UGT1A10: variants seen among roughly 807,000 people sequenced by gnomAD.
The protein encoded by UGT1A10 is UDP glucuronosyltransferase family 1 member A10, also known as UDP-glucuronosyltransferase 1A10.
UGT1A10 carries 49 observed loss-of-function variants against 45.8 expected under a neutral mutation model. That is an observed-to-expected ratio of 1.07 (90% confidence interval 0.85 to 1.36). UGT1A10 has a LOEUF of 1.36. Ranked by LOEUF, UGT1A10 falls within the 40% of genes most tolerant of loss-of-function variation. The pLI is 0.00. For missense variants in UGT1A10, 745 were observed against 668.6 expected (o/e 1.11, Z -1.26); for synonymous variants, 284 against 249.7 (o/e 1.14, Z -1.29).
chr2:233,719,283 A>C (rs760908491), intron 1 of UGT1A10: 35 of 1,613,936 alleles, frequency 2.2e-5, no homozygotes, highest in Admixed American at 5.0e-5. Flanking sequence ...AGACCCCGTT[A>C]ACCTCTGTGG....
At chr2:233,743,679 C>T (rs773832305) in intron 1 of UGT1A10, 13 of 1,367,098 alleles carry the variant, frequency 9.5e-6, no homozygotes, top group African/African-American at 5.9e-5. Flanking sequence ...AAGGGCCTGC[C>T]GCCTGTGCAG....
At chr2:233,649,486 T>C (rs1278710316) in intron 1 of UGT1A10, among the ~76,000 whole-genome samples, 2 of 152,354 alleles carry the variant, frequency 1.3e-5, no homozygotes, top group Admixed American at 6.5e-5. Context: ...TTTCCATCTG[T>C]TGAAATTATA....
At chr2:233,760,521 G>C (rs2125985351) in intron 1 of UGT1A10, 1 of 1,614,238 alleles carries the variant, frequency 6.2e-7, no homozygotes, top group East Asian at 2.2e-5. Flanking sequence ...CCTTGAAGAC[G>C]TACCCTGTGC....
rs762488947 is a variant in UGT1A10, at chr2:233,772,318, C to T, written c.1352C>T (p.Pro451Leu). 5 of 1,614,112 alleles carry T rather than the reference C, an allele frequency of 3.1e-6. No homozygotes were observed. Among genetic ancestry groups the T allele is most frequent in the African/African-American group, 1.3e-5 (1 of 74,934 alleles). The change falls in exon 5 of 5, where the codon CCG (proline) becomes CTG (leucine). Residue 451 changes from proline to leucine, a missense_variant. Physicochemically the swap from Pro to Leu is moderately conservative, Grantham distance 98. Transcript: ENST00000344644. ...SSLHKDRPVE[P>L]LDLAVFWVEF... is the part of the protein sequence containing the mutation. ...CTTCACAAGGACCGCCCGGTGGAGC[C>T]GCTGGACCTGGCCGTGTTCTGGGTG...
In UGT1A10 at chr2:233,772,791, C is replaced by A; in HGVS notation, c.*232C>A. On this transcript the variant is annotated 3_prime_UTR_variant, in exon 5 of 5. Coordinates refer to ENST00000344644, the MANE Select transcript of UGT1A10 (RefSeq NM_019075.4). ...CCTCTGGTGTCTTTGATCAGGATGACATGTGCCATTTTTCAGAGGACGTGC... is the reference window on the plus strand; with the variant it reads ...CCTCTGGTGTCTTTGATCAGGATGAAATGTGCCATTTTTCAGAGGACGTGC... The A allele has an allele frequency of 8.2e-7, 1 of 1,224,562 alleles. No individual in the cohort carries two copies. Among genetic ancestry groups the A allele is most frequent in the Non-Finnish European group, 1.1e-6 (1 of 921,630 alleles). 75.9% of individuals were successfully genotyped at this position (1,224,562 alleles called of 1,614,324 possible).
intron 1 of UGT1A10, chr2:233,682,365 A>G (rs2074575471): frequency 5.6e-6 from 9 of 1,614,054 alleles, no homozygotes; most frequent in South Asian, 2.2e-5. Context: ...AGTTGTTTTG[A>G]TGCAGTGTTT....
At chr2:233,703,412 A>G (rs1378820860) in intron 1 of UGT1A10, among the ~76,000 whole-genome samples, 1 of 151,566 alleles carries the variant, frequency 6.6e-6, no homozygotes, top group Non-Finnish European at 1.5e-5. Context: ...GGTTTTGTTT[A>G]TTTTTCTCTA....
Position 233,713,371 on chromosome 2 carries a change from C to G in UGT1A10, c.856-53663C>G, listed in dbSNP as rs949322705. The G allele has an allele frequency of 5.3e-5, 85 of 1,613,982 alleles. No individual in the cohort carries two copies. The highest frequency in any genetic ancestry group is 6.7e-5 in the Non-Finnish European group (79 of 1,180,022). ...AATATGTCTTTGATCATACATAGGT[C>G]TTGTGTGGAGCTACTGCATAATGAG... is the stretch of plus-strand genomic sequence containing the variant. On this transcript the variant is annotated intron_variant, in intron 1 of 4. Coordinates refer to ENST00000344644, the MANE Select transcript of UGT1A10 (RefSeq NM_019075.4).
intron 1 of UGT1A10, among the ~76,000 whole-genome samples, chr2:233,672,966 C>A (rs1002609299): frequency 1.3e-5 from 2 of 152,144 alleles, no homozygotes; most frequent in Non-Finnish European, 2.9e-5. Context: ...TATAAAACTG[C>A]CCTTCTTGAA....
At chr2:233,647,740 A>C (rs1025103762) in intron 1 of UGT1A10, among the ~76,000 whole-genome samples, 1 of 152,184 alleles carries the variant, frequency 6.6e-6, no homozygotes, top group East Asian at 1.9e-4. Context: ...TACTGCTCTC[A>C]TTCCTGATAT....
At chr2:233,653,307 T>C (rs2602373) in intron 1 of UGT1A10, among the ~76,000 whole-genome samples, 34,032 of 152,122 alleles carry the variant, frequency 0.22, 4,751 homozygotes, top group South Asian at 0.38. Context: ...TAGGTAATAA[T>C]AACATACAGG....
intron 1 of UGT1A10, among the ~76,000 whole-genome samples, chr2:233,663,464 C>A (rs113502929): frequency 6.6e-6 from 1 of 151,964 alleles, no homozygotes; most frequent in African/African-American, 2.4e-5. Flanking sequence ...AGCAGATGAG[C>A]CAGTTTATTG....
chr2:233,661,102 A>T (rs2073953812), intron 1 of UGT1A10, among the ~76,000 whole-genome samples: 1 of 152,068 alleles, frequency 6.6e-6, no homozygotes, highest in Admixed American at 6.6e-5. Context: ...TTTTATGTAG[A>T]TAATCATGAT....
chr2:233,651,324 G>T (rs774351783), intron 1 of UGT1A10, among the ~76,000 whole-genome samples: 2 of 152,120 alleles, frequency 1.3e-5, no homozygotes, highest in South Asian at 2.1e-4. Context: ...GATACGGAAA[G>T]CTATGTGTGA....
chr2:233,762,002 C>A (rs1378101119), intron 1 of UGT1A10, among the ~76,000 whole-genome samples: 2 of 152,188 alleles, frequency 1.3e-5, no homozygotes, highest in Non-Finnish European at 2.9e-5. Flanking sequence ...TTCCACTATA[C>A]CTCCAATGTG....
rs191349714 is a variant in UGT1A10, at chr2:233,636,562, G to A, written c.40G>A (p.Val14Met). ...AGWTSPVPLC[V>M]CLLLTCGFAE... ...GTGGACCAGCCCCGTTCCTTTATGT[G>A]TGTGTCTACTGCTGACCTGTGGCTT... is the stretch of plus-strand genomic sequence containing the variant. The change falls in exon 1 of 5, where the codon GTG (valine) becomes ATG (methionine). Residue 14 changes from valine (V) to methionine (M), a missense_variant. Transcript: ENST00000344644. 1 of 1,614,184 alleles carries A rather than the reference G, an allele frequency of 6.2e-7. No homozygotes were observed. The highest frequency in any genetic ancestry group is 1.3e-5 in the African/African-American group (1 of 75,054).
chr2:233,720,113 A>G (rs1489056833), intron 1 of UGT1A10, among the ~76,000 whole-genome samples: 1 of 152,208 alleles, frequency 6.6e-6, no homozygotes, highest in African/African-American at 2.4e-5. Flanking sequence ...CTTGCGAAAG[A>G]TACAGAGGTG....
intron 1 of UGT1A10, among the ~76,000 whole-genome samples, chr2:233,641,481 T>C (rs1005323041): frequency 6.6e-6 from 1 of 152,214 alleles, no homozygotes; most frequent in African/African-American, 2.4e-5. Flanking sequence ...AAAAGTTGTT[T>C]AGTTATTATT....
intron 1 of UGT1A10, among the ~76,000 whole-genome samples, chr2:233,748,871 G>A (rs1439013136): frequency 2.0e-5 from 3 of 151,510 alleles, no homozygotes; most frequent in Admixed American, 6.6e-5. Flanking sequence ...AGCTGGGGAC[G>A]GTGATGAATG....
Sources: gnomAD v4.1 joint callset for allele counts (sites outside exome capture counted in the v4.1 genomes callset) on GRCh38, gnomAD v4.1.1 for gene constraint, MANE v1.5 for transcripts, NCBI Gene and HGNC (gene_info 2026-07-23, HGNC 2026-07-21) for gene names.